The following BMAL1 variants were observed in gnomAD, a reference collection of about 807,000 sequenced individuals.
The protein encoded by BMAL1 is basic helix-loop-helix ARNT like 1, also known as basic helix-loop-helix ARNT-like protein 1.
the BMAL1 span, chr11:13,372,444 G>A: frequency 1.9e-6 from 3 of 1,605,678 alleles, no homozygotes; most frequent in African/African-American, 4.0e-5. Flanking sequence ...AGCAATGATG[G>A]TAGAGGATTT....
At chr11:13,314,084 A>G in the BMAL1 span, among the ~76,000 whole-genome samples, 1 of 151,834 alleles carries the variant, frequency 6.6e-6, no homozygotes, top group Non-Finnish European at 1.5e-5. Flanking sequence ...ATCCTTCCCT[A>G]CCCAGCACCT....
the BMAL1 span, among the ~76,000 whole-genome samples, chr11:13,365,968 G>A: frequency 1.3e-5 from 2 of 152,194 alleles, no homozygotes; most frequent in Non-Finnish European, 2.9e-5. Flanking sequence ...TTGCAGTGCT[G>A]TGTCACTTCT....
chr11:13,363,358 T>C, the BMAL1 span, among the ~76,000 whole-genome samples: 1 of 152,078 alleles, frequency 6.6e-6, no homozygotes, highest in East Asian at 1.9e-4. Context: ...ATACTTCATG[T>C]TGGGCTTGTC....
chr11:13,377,574 C>T, the BMAL1 span, among the ~76,000 whole-genome samples: 11 of 152,296 alleles, frequency 7.2e-5, no homozygotes, highest in East Asian at 7.7e-4. Context: ...TTCTCCCTGC[C>T]GTGGACTTTC....
the BMAL1 span, chr11:13,357,236 G>A: frequency 3.1e-6 from 4 of 1,282,214 alleles, no homozygotes; most frequent in Non-Finnish European, 4.3e-6. This position sits in a 1 kb window ranked among gnomAD's most constrained non-coding sequence, Gnocchi z 4.8. Context: ...GCAGGTAGTG[G>A]GCCTTGGCCG....
chr11:13,297,284 C>T, the BMAL1 span, among the ~76,000 whole-genome samples: 6 of 152,174 alleles, frequency 3.9e-5, no homozygotes, highest in Non-Finnish European at 5.9e-5. Context: ...GGTTTTGAGA[C>T]AAGACAAGCC....
chr11:13,356,911 GCTCA>G, the BMAL1 span: 2 of 1,585,554 alleles, frequency 1.3e-6, no homozygotes, highest in South Asian at 1.1e-5. Context: ...GCCTGTGGGC[GCTCA>G]CTGTGTCCCT....
At chr11:13,284,101 TG>T in the BMAL1 span, among the ~76,000 whole-genome samples, 1 of 92,382 alleles carries the variant, frequency 1.1e-5, no homozygotes, top group Non-Finnish European at 2.4e-5. Flanking sequence ...TGTGTGTGTG[TG>T]TGTGTGTGTA....
the BMAL1 span, among the ~76,000 whole-genome samples, chr11:13,317,091 G>A: frequency 6.6e-6 from 1 of 152,154 alleles, no homozygotes; most frequent in Admixed American, 6.6e-5. Flanking sequence ...CGTGACTGGC[G>A]TGTAGAAAGC....
the BMAL1 span, chr11:13,360,481 G>A: frequency 2.7e-6 from 4 of 1,500,002 alleles, no homozygotes; most frequent in South Asian, 4.7e-5. Flanking sequence ...TTTCAAGTAA[G>A]TACCAGCATG....
chr11:13,357,713 T>C, the BMAL1 span, among the ~76,000 whole-genome samples: 1 of 152,216 alleles, frequency 6.6e-6, no homozygotes, highest in Non-Finnish European at 1.5e-5. This position sits in a 1 kb window ranked among gnomAD's most constrained non-coding sequence, Gnocchi z 4.8. Flanking sequence ...AGGCCAGCCT[T>C]AGCAGGAGCT....
chr11:13,325,696 G>GTGTGTGTGTGTGTGT, the BMAL1 span, among the ~76,000 whole-genome samples: 9 of 27,206 alleles, frequency 3.3e-4, no homozygotes, highest in African/African-American at 8.0e-4. Flanking sequence ...TGTGTGTGTG[G>GTGTGTGTGTGTGTGT]GCTTGAATGA....
the BMAL1 span, among the ~76,000 whole-genome samples, chr11:13,324,097 A>G: frequency 6.6e-6 from 1 of 150,544 alleles, no homozygotes; most frequent in African/African-American, 2.5e-5. Flanking sequence ...GCTCCTTATT[A>G]TTAGTTTGTT....
the BMAL1 span, among the ~76,000 whole-genome samples, chr11:13,297,451 C>T: frequency 1.9e-4 from 29 of 152,274 alleles, 1 homozygote; most frequent in African/African-American, 5.8e-4. Context: ...GCCTGTGGGC[C>T]GGCAGTGAGG....
At chr11:13,316,599 C>T in the BMAL1 span, among the ~76,000 whole-genome samples, 193 of 152,314 alleles carry the variant, frequency 1.3e-3, 1 homozygote, top group African/African-American at 4.5e-3. Flanking sequence ...ACCTAGATTC[C>T]AGCCAGCTGG....
At chr11:13,374,284 TG>T in the BMAL1 span, 1 of 1,297,324 alleles carries the variant, frequency 7.7e-7, no homozygotes, top group African/African-American at 1.5e-5. Context: ...CAGGGAAATC[TG>T]TCCACTGAGG....
chr11:13,355,041 C>T, the BMAL1 span: 1 of 477,446 alleles, frequency 2.1e-6, no homozygotes. Context: ...ACAGTCATCC[C>T]TTCTATATAT....
At chr11:13,320,437 G>C in the BMAL1 span, among the ~76,000 whole-genome samples, 1 of 152,182 alleles carries the variant, frequency 6.6e-6, no homozygotes. Context: ...AGAGGCACTT[G>C]GAGCCAGACA....
the BMAL1 span, among the ~76,000 whole-genome samples, chr11:13,368,223 A>G: frequency 6.6e-6 from 1 of 152,222 alleles, no homozygotes; most frequent in Non-Finnish European, 1.5e-5. Flanking sequence ...ACAGCCATAG[A>G]AATAGTGCCA....
Sources: allele counts gnomAD v4.1 joint callset (sites outside exome capture counted in the v4.1 genomes callset), GRCh38; gene constraint gnomAD v4.1.1; non-coding constraint Gnocchi (gnomAD v3.1); transcripts MANE v1.5; gene names NCBI Gene and HGNC (gene_info 2026-07-23, HGNC 2026-07-21).